MGAT4C: variants seen among roughly 807,000 people sequenced by gnomAD.
MGAT4C encodes alpha-1,3-mannosyl-glycoprotein 4-beta-N-acetylglucosaminyltransferase C.
Under a neutral mutation model 40.1 loss-of-function variants are expected in MGAT4C, and 19 were observed. That is an observed-to-expected ratio of 0.47 (90% CI 0.33 to 0.70). The LOEUF (loss-of-function observed/expected upper bound fraction) is 0.70, where lower values mean the gene tolerates loss of function less well. Ranked by LOEUF, MGAT4C falls within the 30% of genes least tolerant of loss-of-function variation. The pLI is 0.02. For synonymous variants in MGAT4C, 181 were observed against 187.1 expected (o/e 0.97, Z 0.27); for missense variants, 491 against 563.2 (o/e 0.87, Z 1.30).
intron 3 of MGAT4C, among the ~76,000 whole-genome samples, chr12:86,420,596 G>A (rs181586425): frequency 3.3e-5 from 5 of 151,948 alleles, no homozygotes; most frequent in East Asian, 1.9e-4. Flanking sequence ...GAAATAAACC[G>A]TAGAAAAATT....
chr12:86,835,182 C>CT (rs922024215), intron 1 of MGAT4C, among the ~76,000 whole-genome samples: 4 of 151,690 alleles, frequency 2.6e-5, no homozygotes, highest in Non-Finnish European at 5.9e-5. Flanking sequence ...ATATTTTAAA[C>CT]TTAATATGAG....
At chr12:86,380,988 A>G (rs1228367723) in intron 3 of MGAT4C, among the ~76,000 whole-genome samples, 2 of 152,236 alleles carry the variant, frequency 1.3e-5, no homozygotes, top group African/African-American at 2.4e-5. Flanking sequence ...TATACAATAA[A>G]ATAGGCAAGA....
intron 1 of MGAT4C, among the ~76,000 whole-genome samples, chr12:86,738,618 G>A (rs552543383): frequency 9.9e-5 from 15 of 151,350 alleles, no homozygotes; most frequent in Middle Eastern, 3.4e-3. Context: ...CAACTCATAC[G>A]AGGAGTGCGT....
intron 3 of MGAT4C, among the ~76,000 whole-genome samples, chr12:86,337,663 A>G (rs935072348): frequency 2.6e-5 from 4 of 152,054 alleles, no homozygotes; most frequent in Non-Finnish European, 2.9e-5. Flanking sequence ...GAGAACAGAT[A>G]GTAGAAGCTA....
intron 2 of MGAT4C, among the ~76,000 whole-genome samples, chr12:86,708,879 T>A (rs1950509596): frequency 6.6e-6 from 1 of 152,212 alleles, no homozygotes; most frequent in Non-Finnish European, 1.5e-5. Context: ...AACTTGCTTT[T>A]GATTTTACTG....
At position 85,979,915 on chromosome 12, in the gene MGAT4C, G is replaced by A. The variant is rs765452856; in HGVS notation, c.811C>T (p.Arg271Cys). 5 of 1,613,768 alleles carry A rather than the reference G, an allele frequency of 3.1e-6. No individual in the cohort carries two copies. The highest frequency in any genetic ancestry group is 2.2e-5 in the East Asian group (1 of 44,846). ...GKLYHSHDLP[R>C]LAHFLLMFYQ... ...AACATTAATAAAAAATGGGCCAAAC[G>A]TGGGAGATCATGAGAATGATAGAGT... The change falls in exon 5 of 5, where the codon CGT (arginine) becomes TGT (cysteine). Residue 271 changes from arginine to cysteine, a missense_variant. Coordinates refer to ENST00000611864, the MANE Select transcript of MGAT4C (RefSeq NM_001351288.2).
intron 2 of MGAT4C, among the ~76,000 whole-genome samples, chr12:86,020,139 AG>A (rs1416558893): frequency 6.6e-6 from 1 of 152,184 alleles, no homozygotes; most frequent in Non-Finnish European, 1.5e-5. Flanking sequence ...ATCTGCAAAC[AG>A]GGACAATTTG....
intron 1 of MGAT4C, among the ~76,000 whole-genome samples, chr12:86,820,968 A>T (rs1952695267): frequency 6.6e-6 from 1 of 150,890 alleles, no homozygotes; most frequent in South Asian, 2.1e-4. Flanking sequence ...ATCCTCAATC[A>T]TGTTGGAGTG....
intron 3 of MGAT4C, among the ~76,000 whole-genome samples, chr12:86,427,961 T>G (rs1592834971): frequency 6.6e-6 from 1 of 151,800 alleles, no homozygotes; most frequent in Non-Finnish European, 1.5e-5. Context: ...CAGAGGTTGC[T>G]GTGAGCTGAG....
At chr12:86,749,929 A>C (rs2136140051) in intron 1 of MGAT4C, among the ~76,000 whole-genome samples, 1 of 151,894 alleles carries the variant, frequency 6.6e-6, no homozygotes, top group Middle Eastern at 3.4e-3. Flanking sequence ...CAGTTTGATT[A>C]TAGGAGCAAC....
intron 2 of MGAT4C, among the ~76,000 whole-genome samples, chr12:86,616,153 A>G (rs1464523219): frequency 6.6e-6 from 1 of 152,096 alleles, no homozygotes; most frequent in East Asian, 1.9e-4. Context: ...ATGATCTGAT[A>G]TCATTTAGAG....
chr12:86,507,613 A>C (rs1445174896), intron 2 of MGAT4C, among the ~76,000 whole-genome samples: 1 of 152,214 alleles, frequency 6.6e-6, no homozygotes, highest in African/African-American at 2.4e-5. Context: ...TGTGGAGCCA[A>C]GCCCAGCTGA....
chr12:86,260,260 C>T (rs1036285711), upstream of MGAT4C, among the ~76,000 whole-genome samples: 1 of 152,094 alleles, frequency 6.6e-6, no homozygotes, highest in African/African-American at 2.4e-5. Flanking sequence ...AGCTGGCTCC[C>T]ACCCACCTTT....
chr12:86,539,228 A>G (rs955323470), intron 2 of MGAT4C, among the ~76,000 whole-genome samples: 8 of 146,228 alleles, frequency 5.5e-5, no homozygotes, highest in Non-Finnish European at 8.9e-5. Flanking sequence ...CCCGTGTCCA[A>G]GTGTTCTCAT....
At chr12:86,767,669 T>C (rs1459496818) in intron 1 of MGAT4C, among the ~76,000 whole-genome samples, 1 of 152,274 alleles carries the variant, frequency 6.6e-6, no homozygotes, top group South Asian at 2.1e-4. Flanking sequence ...TTATCTACCA[T>C]GATCAAGTGG....
intron 1 of MGAT4C, among the ~76,000 whole-genome samples, chr12:86,077,633 C>T (rs1236173774): frequency 6.6e-6 from 1 of 152,194 alleles, no homozygotes; most frequent in Non-Finnish European, 1.5e-5. Context: ...CAGCAAGCAC[C>T]TCAGCAGGTC....
chr12:86,146,545 T>C (rs1883539079), intron 1 of MGAT4C, among the ~76,000 whole-genome samples: 2 of 152,130 alleles, frequency 1.3e-5, no homozygotes, highest in African/African-American at 2.4e-5. Context: ...TGTTCTCTTA[T>C]TCTATTTAAA....
At chr12:86,402,834 T>C (rs1956395286) in intron 3 of MGAT4C, among the ~76,000 whole-genome samples, 1 of 150,688 alleles carries the variant, frequency 6.6e-6, no homozygotes, top group African/African-American at 2.5e-5. Context: ...ATTTCTTTCT[T>C]TTAATGTGAT....
At chr12:86,585,891 C>T (rs565415601) in intron 2 of MGAT4C, among the ~76,000 whole-genome samples, 46 of 151,286 alleles carry the variant, frequency 3.0e-4, no homozygotes, top group African/African-American at 1.0e-3. Flanking sequence ...TTTCATGCAA[C>T]ATACATCTTC....
Sources: gnomAD v4.1 joint callset for allele counts (sites outside exome capture counted in the v4.1 genomes callset) on GRCh38, gnomAD v4.1.1 for gene constraint, MANE v1.5 for transcripts, NCBI Gene and HGNC (gene_info 2026-07-23, HGNC 2026-07-21) for gene names.